Variants in NR1H3 observed in about 807,000 individuals in gnomAD.
NR1H3 encodes nuclear receptor subfamily 1 group H member 3.
NR1H3 carries 19 observed loss-of-function variants against 48.1 expected under a neutral mutation model. That is an observed-to-expected ratio of 0.40 (90% CI 0.28 to 0.58). The LOEUF (loss-of-function observed/expected upper bound fraction) is 0.58, where lower values mean the gene tolerates loss of function less well. Ranked by LOEUF, NR1H3 falls within the 20% of genes least tolerant of loss-of-function variation. The probability of loss-of-function intolerance (pLI) is 0.50; values close to 1 mark genes in which losing one functional copy is unlikely to be tolerated. For missense variants in NR1H3, 486 were observed against 595.9 expected (o/e 0.82, Z 1.92); for synonymous variants, 232 against 227.3 (o/e 1.02, Z -0.19).
chr11:47,262,710 C>T (rs1043577123), intron 7 of NR1H3, among the ~76,000 whole-genome samples: 1 of 151,228 alleles, frequency 6.6e-6, no homozygotes, highest in African/African-American at 2.4e-5. Context: ...AGGGTTTTAC[C>T]ATGTTGACCA....
chr11:47,249,040 A>G, intron 1 of NR1H3: 1 of 1,446,878 alleles, frequency 6.9e-7, no homozygotes, highest in South Asian at 1.4e-5. Flanking sequence ...CGAAGACCTC[A>G]TCTTGATTAA....
Position 47,261,567 on chromosome 11 carries a change from T to A in NR1H3, c.729T>A (p.Asp243Glu), listed in dbSNP as rs781746055. The A allele has an allele frequency of 1.2e-6, 2 of 1,614,128 alleles. No individual in the cohort carries two copies. The highest frequency in any genetic ancestry group is 3.3e-5 in the Admixed American group (2 of 60,022). The change falls in exon 6 of 10, where the codon GAT becomes GAA. Residue 243 changes from aspartate to glutamate, a missense_variant. Transcript: ENST00000441012. ...GGTAGCCTTGGCCCATGGCACCAGA[T>A]CCCCATAGCCGGGAGGCCCGTCAGC... ...LRVTPWPMAPDPHSREARQQR... is the reference protein window; with the variant it reads ...LRVTPWPMAPEPHSREARQQR...
At chr11:47,258,170 G>C (rs1180299073) in intron 1 of NR1H3, 41 bp downstream of exon 1, 8 of 985,300 alleles carry the variant, frequency 8.1e-6, no homozygotes, top group Non-Finnish European at 9.6e-6. Flanking sequence ...CTCTGTGTGT[G>C]TATCTGGGGT....
intron 7 of NR1H3, among the ~76,000 whole-genome samples, chr11:47,266,103 TC>T (rs1311457530): frequency 6.6e-6 from 1 of 152,050 alleles, no homozygotes; most frequent in Non-Finnish European, 1.5e-5. Context: ...ACTGCAATAT[TC>T]CCTCGAGGAT....
chr11:47,263,752 G>A (rs1044448800), intron 7 of NR1H3, among the ~76,000 whole-genome samples: 7 of 151,596 alleles, frequency 4.6e-5, no homozygotes, highest in African/African-American at 1.5e-4. Flanking sequence ...ACAGGCGCGC[G>A]CCACTACGCT....
chr11:47,257,943 G>A (rs779178422), upstream of NR1H3: 71 of 985,258 alleles, frequency 7.2e-5, no homozygotes, highest in South Asian at 9.4e-5. Flanking sequence ...CTGACCCCTC[G>A]GCAGTCCCTC....
At chr11:47,252,038 G>C (rs1421104693) in intron 1 of NR1H3, among the ~76,000 whole-genome samples, 1 of 145,338 alleles carries the variant, frequency 6.9e-6, no homozygotes, top group Non-Finnish European at 1.5e-5. Context: ...TTACACTTTG[G>C]TTCGTAACTA....
chr11:47,248,408 GA>G, upstream of NR1H3: 3 of 1,528,076 alleles, frequency 2.0e-6, no homozygotes, highest in Non-Finnish European at 1.8e-6. Flanking sequence ...GACAACTGGG[GA>G]AAAAAGATAA....
upstream of NR1H3, chr11:47,248,818 C>G: frequency 6.4e-7 from 1 of 1,561,266 alleles, no homozygotes; most frequent in South Asian, 1.2e-5. Flanking sequence ...AGCAAACAAG[C>G]TGGAACCCGC....
At chr11:47,251,647 T>A (rs1303498733) in intron 1 of NR1H3, among the ~76,000 whole-genome samples, 1 of 151,960 alleles carries the variant, frequency 6.6e-6, no homozygotes, top group African/African-American at 2.4e-5. Context: ...CTTGGGTAAT[T>A]GGCAAAATGC....
At chr11:47,251,883 C>G (rs1313830161) in intron 1 of NR1H3, among the ~76,000 whole-genome samples, 1 of 152,054 alleles carries the variant, frequency 6.6e-6, no homozygotes, top group East Asian at 1.9e-4. Context: ...GAAGCAGATA[C>G]TATTTCAGTT....
At chr11:47,255,545 CTTTCT>C (rs772614568), upstream of NR1H3, among the ~76,000 whole-genome samples, 1 of 99,794 alleles carries the variant, frequency 1.0e-5, no homozygotes, top group Admixed American at 1.0e-4. Context: ...CTTTCTTTTT[CTTTCT>C]TTCTTTCTTT....
chr11:47,259,719 C>G, intron 2 of NR1H3, 72 bp from the exon 3 acceptor site: 1 of 1,601,464 alleles, frequency 6.2e-7, no homozygotes, highest in African/African-American at 1.3e-5. Context: ...TTGCAGTTTC[C>G]CAGCTAGGAC....
At chr11:47,252,293 C>T (rs1482113490) in intron 1 of NR1H3, among the ~76,000 whole-genome samples, 2 of 151,966 alleles carry the variant, frequency 1.3e-5, no homozygotes, top group Non-Finnish European at 2.9e-5. Context: ...TGGAGTTTTG[C>T]TCTTGTTGCC....
intron 4 of NR1H3, 107 bp from the exon 5 acceptor site, chr11:47,261,134 C>T (rs1955805985): frequency 7.4e-6 from 6 of 813,934 alleles, no homozygotes; most frequent in Non-Finnish European, 1.2e-5. Context: ...TTTTCTGGAG[C>T]CCCAAACCAC....
upstream of NR1H3, chr11:47,257,607 G>A (rs1040378529): frequency 8.2e-6 from 8 of 976,456 alleles, no homozygotes; most frequent in African/African-American, 5.3e-5. Context: ...TCGCAATTCC[G>A]GGCCGTGCTG....
rs2135744259 is a variant in NR1H3 at position 47,268,374 on chromosome 11, T to C, written c.1197+19T>C. On this transcript the variant is annotated intron_variant, in intron 9 of 9. Transcript: ENST00000441012. The stretch of plus-strand genomic sequence containing the variant: ...TCCCCATGTGAGTCTCCCCATGGTG[T>C]TCCTTTTCCTCCTTCCCACACACAG... 1 of 1,610,376 alleles carries C rather than the reference T, an allele frequency of 6.2e-7. No individual in the cohort carries two copies. The highest frequency in any genetic ancestry group is 8.5e-7 in the Non-Finnish European group (1 of 1,176,626).
Position 47,261,353 on chromosome 11 carries a change from C to T in NR1H3, c.612C>T (p.Pro204=). Residue 204 remains proline, a synonymous_variant, in exon 5 of 10, where the codon CCC becomes CCT. Transcript: ENST00000441012. ...CTTCCTCACCCCCCCAAATCCTGCCCCAGCTCAGCCCGGAACAACTGGGCA... is the reference window on the plus strand; with the variant it reads ...CTTCCTCACCCCCCCAAATCCTGCCTCAGCTCAGCCCGGAACAACTGGGCA... ...PRASSPPQIL[P]QLSPEQLGMI... 1 of 1,614,132 alleles carries T rather than the reference C, an allele frequency of 6.2e-7. No homozygotes were observed. Among genetic ancestry groups the T allele is most frequent in the Non-Finnish European group, 8.5e-7 (1 of 1,180,034 alleles).
upstream of NR1H3, among the ~76,000 whole-genome samples, chr11:47,256,780 G>C (rs1955222263): frequency 1.3e-5 from 2 of 149,914 alleles, no homozygotes; most frequent in African/African-American, 2.5e-5. Context: ...ACTCAGGCAG[G>C]AGTGCAGTGG....
Sources: gnomAD v4.1 joint callset for allele counts (sites outside exome capture counted in the v4.1 genomes callset) on GRCh38, gnomAD v4.1.1 for gene constraint, MANE v1.5 for transcripts, NCBI Gene and HGNC (gene_info 2026-07-23, HGNC 2026-07-21) for gene names.